HDDC2: variants seen among roughly 807,000 people sequenced by gnomAD.
HDDC2 encodes the protein HD domain containing 2.
Under a neutral mutation model 25.5 loss-of-function variants are expected in HDDC2, and 25 were observed. That is an observed-to-expected ratio of 0.98 (90% CI 0.72 to 1.37). HDDC2 has a LOEUF of 1.37. Ranked by LOEUF, HDDC2 falls within the 40% of genes most tolerant of loss-of-function variation. The pLI, the probability that HDDC2 is intolerant of heterozygous loss-of-function variation, is 0.00. For synonymous variants in HDDC2, 106 were observed against 89.7 expected (o/e 1.18, Z -1.03); for missense variants, 264 against 253.1 (o/e 1.04, Z -0.29).
chr6:125,295,763 C>T (rs1798698290), intron 3 of HDDC2, among the ~76,000 whole-genome samples: 1 of 152,128 alleles, frequency 6.6e-6, no homozygotes, highest in African/African-American at 2.4e-5. Context: ...CACGACTCTG[C>T]CCTCTGTTTC....
chr6:125,282,717 T>C (rs1294613066), intron 4 of HDDC2, among the ~76,000 whole-genome samples: 1 of 144,098 alleles, frequency 6.9e-6, no homozygotes, highest in Non-Finnish European at 1.5e-5. Flanking sequence ...AGGCACAGAC[T>C]GGCAAATTGG....
At chr6:125,296,032 A>C (rs1798701533) in intron 3 of HDDC2, among the ~76,000 whole-genome samples, 1 of 152,108 alleles carries the variant, frequency 6.6e-6, no homozygotes, top group South Asian at 2.1e-4. Context: ...TCTCCAAAAC[A>C]ATCAGCCTTC....
At chr6:125,293,804 A>G (rs1446258049) in intron 3 of HDDC2, among the ~76,000 whole-genome samples, 2 of 152,154 alleles carry the variant, frequency 1.3e-5, no homozygotes, top group Non-Finnish European at 2.9e-5. Context: ...AGATAATCTT[A>G]TAATTCAAAC....
At chr6:125,301,742 C>T in intron 1 of HDDC2, 107 bp downstream of exon 1, 2 of 753,960 alleles carry the variant, frequency 2.7e-6, no homozygotes, top group Non-Finnish European at 4.1e-6. Context: ...GTGGCGGACG[C>T]GGCGCAGGAA....
intron 4 of HDDC2, among the ~76,000 whole-genome samples, chr6:125,286,477 G>A (rs6904433): frequency 0.45 from 68,152 of 152,112 alleles, 20,125 homozygotes; most frequent in African/African-American, 0.84. Flanking sequence ...AGTATTTATA[G>A]AACTTTCTAA....
intron 5 of HDDC2, 49 bp downstream of exon 5, chr6:125,277,053 T>C (rs2243392): frequency 0.31 from 487,943 of 1,599,748 alleles, 89,230 homozygotes; most frequent in African/African-American, 0.85. Flanking sequence ...GTCACTACAC[T>C]GAGTAAGCCA....
At position 125,292,744 on chromosome 6, in the gene HDDC2, G is replaced by A. The variant is rs574354450; in HGVS notation, c.378+97C>T. 153 of 914,272 alleles carry A rather than the reference G, an allele frequency of 1.7e-4. No individual in the cohort carries two copies. In the African/African-American group the frequency reaches 2.2e-3, roughly 13 times the overall value. 56.6% of individuals were successfully genotyped at this position (914,272 alleles called of 1,614,324 possible). A position where few individuals can be genotyped will look rare whatever the true frequency, so the allele number is the denominator to read the frequency against. On this transcript the variant is annotated intron_variant, in intron 4 of 5. Transcript: ENST00000398153. ...CACAAACCAGACAGTAATAAGTTAG[G>A]GACCGCTTGTTAAGATCATCTAAGT...
chr6:125,280,090 C>T (rs1215195459), intron 4 of HDDC2, among the ~76,000 whole-genome samples: 1 of 152,122 alleles, frequency 6.6e-6, no homozygotes, highest in Non-Finnish European at 1.5e-5. Flanking sequence ...CCATGGAGGG[C>T]GAGCCAAAGC....
intron 5 of HDDC2, 103 bp downstream of exon 5, chr6:125,276,999 T>G (rs1224289946): frequency 4.5e-6 from 5 of 1,121,660 alleles, no homozygotes; most frequent in Non-Finnish European, 6.5e-6. Flanking sequence ...CATGAAAGGG[T>G]CAGATGAAGG....
chr6:125,283,558 C>A (rs1300753012), intron 4 of HDDC2, among the ~76,000 whole-genome samples: 1 of 152,152 alleles, frequency 6.6e-6, no homozygotes, highest in African/African-American at 2.4e-5. Context: ...AGCAAACTCT[C>A]ATTTACAATT....
intron 2 of HDDC2, among the ~76,000 whole-genome samples, chr6:125,300,087 G>A (rs1453042343): frequency 1.4e-4 from 21 of 152,158 alleles, no homozygotes; most frequent in Non-Finnish European, 5.9e-5. Flanking sequence ...CTTTTGTTCT[G>A]TGCTCAAAAA....
chr6:125,286,079 C>A (rs1223578440), intron 4 of HDDC2, among the ~76,000 whole-genome samples: 1 of 152,062 alleles, frequency 6.6e-6, no homozygotes, highest in Non-Finnish European at 1.5e-5. Context: ...AACTGACTTT[C>A]AAGTATAAAG....
intron 3 of HDDC2, among the ~76,000 whole-genome samples, chr6:125,295,162 C>A (rs1322671808): frequency 6.6e-6 from 1 of 152,160 alleles, no homozygotes; most frequent in Non-Finnish European, 1.5e-5. Context: ...AAGCGATGAG[C>A]CCTGACACTT....
intron 4 of HDDC2, among the ~76,000 whole-genome samples, chr6:125,292,530 T>C (rs1489544428): frequency 1.3e-5 from 2 of 152,184 alleles, no homozygotes; most frequent in East Asian, 3.9e-4. Flanking sequence ...ATCCCAGCTC[T>C]GAACTATCCC....
intron 4 of HDDC2, among the ~76,000 whole-genome samples, chr6:125,287,930 C>T (rs1037458329): frequency 9.2e-5 from 14 of 152,192 alleles, no homozygotes; most frequent in African/African-American, 2.2e-4. Context: ...CACACCCACA[C>T]GAAGGCCGAA....
chr6:125,282,218 C>T (rs900132227), intron 4 of HDDC2, among the ~76,000 whole-genome samples: 3 of 151,676 alleles, frequency 2.0e-5, no homozygotes, highest in Admixed American at 6.6e-5. Flanking sequence ...TGGTGGCGGG[C>T]GCCTATAGTC....
At chr6:125,295,424 C>T (rs535785474) in intron 3 of HDDC2, among the ~76,000 whole-genome samples, 17 of 152,204 alleles carry the variant, frequency 1.1e-4, no homozygotes, top group Non-Finnish European at 2.1e-4. Flanking sequence ...GTTTCAAACC[C>T]GGCTCGCCAT....
intron 4 of HDDC2, chr6:125,279,192 A>G (rs1798419569): frequency 6.6e-6 from 1 of 152,232 alleles, no homozygotes; most frequent in Non-Finnish European, 1.5e-5. Context: ...ACAGTAGTTG[A>G]CACTGGGAGG....
chr6:125,281,484 C>T (rs903793568), intron 4 of HDDC2, among the ~76,000 whole-genome samples: 6 of 152,068 alleles, frequency 3.9e-5, no homozygotes, highest in African/African-American at 1.4e-4. Flanking sequence ...GAATTGCTAA[C>T]CAGAATAAAC....
Sources: allele counts gnomAD v4.1 joint callset (sites outside exome capture counted in the v4.1 genomes callset), GRCh38; gene constraint gnomAD v4.1.1; transcripts MANE v1.5; gene names NCBI Gene and HGNC (gene_info 2026-07-23, HGNC 2026-07-21).